The following CADPS variants were observed in gnomAD, a reference collection of about 807,000 sequenced individuals.
CADPS encodes calcium-dependent secretion activator 1.
CADPS carries 57 observed loss-of-function variants against 167.3 expected under a neutral mutation model. That is an observed-to-expected ratio of 0.34 (90% CI 0.28 to 0.42). CADPS has a LOEUF of 0.42. Among genes scored for constraint, CADPS ranks in the 20% least tolerant of loss-of-function variants. CADPS has a pLI of 1.00. For missense variants in CADPS, 1,414 were observed against 1,738.1 expected, an observed-to-expected ratio of 0.81 and a Z score of 3.32; for synonymous variants, 676 against 635.3, an observed-to-expected ratio of 1.06 and a Z score of -0.96.
chr3:62,763,784 A>G (rs958927091), intron 2 of CADPS, among the ~76,000 whole-genome samples: 6 of 152,232 alleles, frequency 3.9e-5, no homozygotes. Context: ...GTATTTACTA[A>G]TGAAGACAGC....
intron 1 of CADPS, among the ~76,000 whole-genome samples, chr3:62,866,793 T>C (rs1326781684): frequency 6.6e-6 from 1 of 152,102 alleles, no homozygotes; most frequent in Non-Finnish European, 1.5e-5. Context: ...ATTAAAGATT[T>C]TAAGCAACTA....
intron 3 of CADPS, among the ~76,000 whole-genome samples, chr3:62,707,125 A>G (rs951860008): frequency 6.6e-6 from 1 of 152,090 alleles, no homozygotes; most frequent in African/African-American, 2.4e-5. Flanking sequence ...GGCCTGTTAG[A>G]AACCGGGCTG....
intron 6 of CADPS, among the ~76,000 whole-genome samples, chr3:62,605,058 T>C (rs753677096): frequency 1.4e-4 from 22 of 152,188 alleles, no homozygotes; most frequent in Non-Finnish European, 2.9e-4. Context: ...GCTAATTGTG[T>C]CTTTGGAACT....
chr3:62,799,589 C>A (rs1394587989), intron 1 of CADPS, among the ~76,000 whole-genome samples: 2 of 152,142 alleles, frequency 1.3e-5, no homozygotes, highest in Non-Finnish European at 2.9e-5. Flanking sequence ...TCAAATCAAC[C>A]TGCACTCAAG....
At chr3:62,625,862 T>C (rs2149569692) in intron 6 of CADPS, 2 of 151,194 alleles carry the variant, frequency 1.3e-5, no homozygotes, top group East Asian at 3.9e-4. Flanking sequence ...AATGGAATCT[T>C]TACTTTTTTA....
intron 1 of CADPS, among the ~76,000 whole-genome samples, chr3:62,797,323 A>T (rs917542611): frequency 1.3e-5 from 2 of 152,066 alleles, no homozygotes; most frequent in Non-Finnish European, 2.9e-5. Context: ...ATGGGTAGAG[A>T]TCAAGTCTTG....
At chr3:62,800,701 T>C (rs2093707466) in intron 1 of CADPS, among the ~76,000 whole-genome samples, 1 of 152,182 alleles carries the variant, frequency 6.6e-6, no homozygotes, top group African/African-American at 2.4e-5. Flanking sequence ...ATTTGGTATG[T>C]ATATTGTAGT....
chr3:62,748,849 G>C (rs61396166), intron 3 of CADPS, among the ~76,000 whole-genome samples: 43 of 152,186 alleles, frequency 2.8e-4, no homozygotes, highest in African/African-American at 9.6e-4. Flanking sequence ...CTGGGACTAT[G>C]GGTGCATGCC....
At chr3:62,552,412 T>C (rs1249591543) in intron 10 of CADPS, among the ~76,000 whole-genome samples, 1 of 152,180 alleles carries the variant, frequency 6.6e-6, no homozygotes, top group Non-Finnish European at 1.5e-5. Flanking sequence ...GGTGGAAACT[T>C]CTCTTTGGGT....
chr3:62,861,525 A>G (rs2080803418), intron 1 of CADPS, among the ~76,000 whole-genome samples: 1 of 152,204 alleles, frequency 6.6e-6, no homozygotes, highest in Admixed American at 6.5e-5. Flanking sequence ...TCCCCACAAA[A>G]TTATAAAACT....
intron 21 of CADPS, among the ~76,000 whole-genome samples, chr3:62,486,795 G>T (rs2062888555): frequency 6.6e-6 from 1 of 152,244 alleles, no homozygotes. Flanking sequence ...CTCCTGCAGA[G>T]CAGGGCTTTC....
intron 21 of CADPS, among the ~76,000 whole-genome samples, chr3:62,484,436 G>C (rs2062506158): frequency 6.6e-6 from 1 of 152,144 alleles, no homozygotes; most frequent in East Asian, 1.9e-4. Flanking sequence ...GGCCTTTTTA[G>C]CAGCTACCTT....
rs115818325 is a variant in CADPS, at chr3:62,502,818, A to C, written c.2600-3550T>G. Among the ~76,000 whole-genome samples, 656 of 152,208 alleles carry C rather than the reference A, an allele frequency of 4.3e-3. 8 individuals are homozygous for C. The highest frequency in any genetic ancestry group is 0.022 in the South Asian group (106 of 4,822). On this transcript the variant is annotated intron_variant, in intron 17 of 29. Transcript: ENST00000383710. ...TCTGTGTTTGGGTGGGTGGAGGAGG[A>C]GGCCCAGGATGTGGCAGGGGAGCTG...
At chr3:62,781,047 T>C (rs2091475675) in intron 1 of CADPS, among the ~76,000 whole-genome samples, 2 of 152,196 alleles carry the variant, frequency 1.3e-5, no homozygotes, top group Admixed American at 1.3e-4. Context: ...TACAATTTGC[T>C]TCATTATCTG....
At chr3:62,729,160 C>G (rs1300547948) in intron 3 of CADPS, among the ~76,000 whole-genome samples, 1 of 151,860 alleles carries the variant, frequency 6.6e-6, no homozygotes, top group East Asian at 1.9e-4. Context: ...ACTCCACTAC[C>G]TGATTTAGTG....
At chr3:62,403,031 T>G in intron 29 of CADPS, 50 bp downstream of exon 29, 1 of 1,193,724 alleles carries the variant, frequency 8.4e-7, no homozygotes, top group Non-Finnish European at 1.2e-6. Context: ...GCCAGTGAAA[T>G]ATATTTCAGT....
chr3:62,830,167 T>C (rs1042877834), intron 1 of CADPS, among the ~76,000 whole-genome samples: 1 of 152,166 alleles, frequency 6.6e-6, no homozygotes, highest in East Asian at 1.9e-4. Context: ...ATATATGTCT[T>C]AGATGGAGGT....
rs6791296 is a variant in CADPS at position 62,445,740 on chromosome 3, T to A, written c.3669+25A>T. 55 of 1,404,204 alleles carry A rather than the reference T, an allele frequency of 3.9e-5. 2 individuals are homozygous for A. The Middle Eastern group carries it at 9.7e-4, about 25-fold the overall frequency. 87.0% of individuals were successfully genotyped at this position (1,404,204 alleles called of 1,614,324 possible). On this transcript the variant is annotated intron_variant, in intron 27 of 29. Transcript: ENST00000383710. ...AAAAAAAAAAAACAAAAAAACCCCATGAGAAACAATTTTCAAATACTCACA... is the reference window on the plus strand; with the variant it reads ...AAAAAAAAAAAACAAAAAAACCCCAAGAGAAACAATTTTCAAATACTCACA...
intron 6 of CADPS, among the ~76,000 whole-genome samples, chr3:62,618,482 A>G (rs1318280943): frequency 1.3e-5 from 2 of 152,154 alleles, no homozygotes; most frequent in Non-Finnish European, 1.5e-5. Flanking sequence ...AAATCTGCAC[A>G]TGTTCCCTTT....
Sources: allele counts gnomAD v4.1 joint callset (sites outside exome capture counted in the v4.1 genomes callset), GRCh38; gene constraint gnomAD v4.1.1; transcripts MANE v1.5; gene names NCBI Gene and HGNC (gene_info 2026-07-23, HGNC 2026-07-21).